Variants in LPIN2 observed in about 807,000 individuals in gnomAD.
LPIN2 encodes lipin 2, also known as phosphatidate phosphatase LPIN2.
A neutral mutation model predicts 111.4 loss-of-function variants in LPIN2; 55 were observed. The observed-to-expected ratio is 0.49, with a 90% CI of 0.40 to 0.62. The LOEUF is 0.62. Among genes scored for constraint, LPIN2 ranks in the 20% least tolerant of loss-of-function variants. LPIN2 has a pLI of 0.00. For synonymous variants in LPIN2, 425 were observed against 414.0 expected (o/e 1.03, Z -0.32); for missense variants, 992 against 1,112.1 (o/e 0.89, Z 1.54).
chr18:2,990,641 C>T (rs1237241023), intron 1 of LPIN2: 3 of 183,716 alleles, frequency 1.6e-5, no homozygotes, highest in African/African-American at 2.3e-5. Flanking sequence ...AAGAGAGTGG[C>T]CAATGGCCGT....
At chr18:2,922,274 C>G (rs2077067147) in intron 16 of LPIN2, 75 bp from the exon 17 acceptor site, 1 of 1,524,494 alleles carries the variant, frequency 6.6e-7, no homozygotes, top group East Asian at 2.3e-5. Flanking sequence ...AAAAAAAACC[C>G]CACACTTTTC....
In LPIN2 at chr18:2,924,490, C is replaced by G; in HGVS notation, c.1995G>C (p.Gln665His). The stretch of plus-strand genomic sequence containing the variant: ...CTGCACAGCGACAGGTGCCTTGATA[C>G]TGGGTTGTAATACTAAACACAACAT... ...PNDVVFSITTQYQGTCRCAGT... is the reference protein window; with the variant it reads ...PNDVVFSITTHYQGTCRCAGT... Residue 665 changes from glutamine (Q) to histidine (H), a missense_variant, in exon 15 of 20, where the codon CAG (glutamine) becomes CAC (histidine). By Grantham distance (24) the Gln-to-His change is conservative. This residue lies in a region of LPIN2 where 709 missense variants were observed against 753.2 expected (regional missense o/e 0.94). Transcript: ENST00000677752. 1 of 1,614,206 alleles carries G rather than the reference C, an allele frequency of 6.2e-7. No homozygotes were observed. The highest frequency in any genetic ancestry group is 8.5e-7 in the Non-Finnish European group (1 of 1,180,014).
intron 1 of LPIN2, among the ~76,000 whole-genome samples, chr18:2,993,307 C>A (rs145566837): frequency 6.6e-6 from 1 of 152,186 alleles, no homozygotes; most frequent in Middle Eastern, 3.2e-3. Flanking sequence ...AATGTCAATA[C>A]AGTCCATAGT....
At chr18:2,968,551 G>C (rs68077792) in intron 1 of LPIN2, among the ~76,000 whole-genome samples, 17,692 of 148,064 alleles carry the variant, frequency 0.12, 1,607 homozygotes, top group East Asian at 0.47. Flanking sequence ...GAGACTGTTA[G>C]GAAGACTAGA....
At chr18:2,996,760 A>T (rs2078351744) in intron 1 of LPIN2, among the ~76,000 whole-genome samples, 1 of 152,080 alleles carries the variant, frequency 6.6e-6, no homozygotes, top group Non-Finnish European at 1.5e-5. Flanking sequence ...TACAGGCGTG[A>T]GCCACCACGC....
intron 1 of LPIN2, among the ~76,000 whole-genome samples, chr18:2,972,722 C>A (rs998562077): frequency 6.6e-6 from 1 of 152,216 alleles, no homozygotes; most frequent in African/African-American, 2.4e-5. Flanking sequence ...TCAGCCCCGA[C>A]AACATTCACA....
rs1003055146 is a variant in LPIN2 at position 2,969,638 on chromosome 18, T to C, written c.-9-8789A>G. 3.9e-5 allele frequency among the ~76,000 whole-genome samples: 6 copies of C among 152,266 alleles called. No individual in the cohort carries two copies. The South Asian group carries it at 1.2e-3, about 32-fold the overall frequency. ...AGAGTGGTCCTTGGACTGCCTGCAA[T>C]AGAAGCAAGTTTTGGTGCTTAAGAA... On this transcript the variant is annotated intron_variant, in intron 1 of 19. Transcript: ENST00000677752.
In LPIN2 at chr18:2,927,671, A is replaced by G. The variant is rs372290743; in HGVS notation, c.1710+51T>C. On this transcript the variant is annotated intron_variant, in intron 12 of 19. Coordinates refer to ENST00000677752, the MANE Select transcript of LPIN2 (RefSeq NM_001375808.2). ...GACAAAAAGGTTTTTTGAATAAATG[A>G]AAGATTCATTTCTTTCAGCCCACGG... 5 of 1,587,748 alleles carry G rather than the reference A, an allele frequency of 3.1e-6. No individual in the cohort carries two copies. The Admixed American group carries it at 5.0e-5, about 16-fold the overall frequency.
intron 1 of LPIN2, among the ~76,000 whole-genome samples, chr18:2,977,418 A>C (rs995017539): frequency 3.3e-5 from 5 of 152,332 alleles, no homozygotes; most frequent in Middle Eastern, 3.4e-3. Context: ...AAGAGGACCT[A>C]GAATCAAGGA....
chr18:2,953,500 C>G (rs924754535), intron 3 of LPIN2, among the ~76,000 whole-genome samples: 1 of 152,176 alleles, frequency 6.6e-6, no homozygotes, highest in African/African-American at 2.4e-5. Context: ...AAGCACCAGT[C>G]TGATCAAGCT....
rs753670059 is a variant in LPIN2, at chr18:2,990,304, T to C, written c.-10+22783A>G. On this transcript the variant is annotated intron_variant, in intron 1 of 19. Transcript: ENST00000677752. ...GCATGAGTAACAAAAACTAGATAAA[T>C]TGGATTTCACTAAAAGTACTTTTTT... Among the ~76,000 whole-genome samples the C allele has an allele frequency of 6.2e-4, 95 of 152,140 alleles. 1 individual carries two copies. The highest frequency in any genetic ancestry group is 1.1e-3 in the Non-Finnish European group (74 of 68,026).
At chr18:2,967,999 A>G (rs918610683) in intron 1 of LPIN2, among the ~76,000 whole-genome samples, 33 of 152,280 alleles carry the variant, frequency 2.2e-4, no homozygotes, top group African/African-American at 7.2e-4. Flanking sequence ...ATGGCCCATG[A>G]GAAGTGCTGA....
In LPIN2 at chr18:2,922,134, T is replaced by G; in HGVS notation, c.2240A>C (p.Tyr747Ser). Residue 747 changes from tyrosine (Y) to serine (S), a missense_variant, in exon 17 of 20, where the codon TAC becomes TCC. Physicochemically the swap from Tyr to Ser is moderately radical, Grantham distance 144 (BLOSUM62 -2). Transcript: ENST00000677752. Reference protein sequence around the residue: ...AIGMADMTRGYLHWVNDKGTI... With the variant: ...AIGMADMTRGSLHWVNDKGTI... ...GCCCTTGTCATTGACCCAGTGCAGG[T>G]AGCCACGGGTCATGTCGGCCATGCC... 6.2e-7 allele frequency: 1 copy of G among 1,613,898 alleles called. No homozygotes were observed.
chr18:2,982,958 A>G, intron 1 of LPIN2: 1 of 348,226 alleles, frequency 2.9e-6, no homozygotes, highest in East Asian at 7.5e-5. Context: ...TTTGCTCAAA[A>G]TACCTCAACC....
intron 1 of LPIN2, among the ~76,000 whole-genome samples, chr18:2,984,707 T>C (rs927632505): frequency 6.6e-6 from 1 of 152,052 alleles, no homozygotes; most frequent in African/African-American, 2.4e-5. Flanking sequence ...ACAAAAACCA[T>C]ATCCACTTTA....
intron 1 of LPIN2, among the ~76,000 whole-genome samples, chr18:2,975,662 T>C (rs1012648659): frequency 1.3e-5 from 2 of 152,188 alleles, no homozygotes; most frequent in African/African-American, 4.8e-5. Context: ...GATTACGTTA[T>C]GAACATAAAA....
intron 4 of LPIN2, among the ~76,000 whole-genome samples, chr18:2,941,794 G>A (rs1484265112): frequency 3.3e-5 from 5 of 152,110 alleles, no homozygotes. Flanking sequence ...GTGTGGTGGC[G>A]GGCACCTGTA....
In LPIN2 at chr18:2,917,192, T is replaced by C. The variant is rs1016495651; in HGVS notation, c.*3101A>G. On this transcript the variant is annotated 3_prime_UTR_variant, in exon 20 of 20. Transcript: ENST00000677752. ...TGTCTAATAATCAAATACTTCATCA[T>C]AGGCTGAACATAATTATTAAAAGAG... 2.6e-5 allele frequency: 4 copies of C among 152,252 alleles called. No homozygotes were observed. The East Asian group carries it at 5.8e-4, about 22-fold the overall frequency. 9.4% of individuals were successfully genotyped at this position (152,252 alleles called of 1,614,324 possible). A position where few individuals can be genotyped will look rare whatever the true frequency, so the allele number is the denominator to read the frequency against.
At chr18:2,935,506 G>GGA in intron 7 of LPIN2, among the ~76,000 whole-genome samples, 1 of 152,194 alleles carries the variant, frequency 6.6e-6, no homozygotes, top group East Asian at 1.9e-4. Context: ...GATGGGTGTA[G>GGA]GAGAGAGAGT....
Sources: allele counts gnomAD v4.1 joint callset (sites outside exome capture counted in the v4.1 genomes callset), GRCh38; gene constraint gnomAD v4.1.1; regional missense constraint gnomAD v4.1.1; transcripts MANE v1.5; gene names NCBI Gene and HGNC (gene_info 2026-07-23, HGNC 2026-07-21).